Variants in NCOR1 observed in about 807,000 individuals in gnomAD.
NCOR1 encodes the protein nuclear receptor corepressor 1.
In NCOR1, 63 loss-of-function variants were observed where a neutral mutation model predicts 288.1. The ratio of observed to expected loss-of-function variants is 0.22; its 90% CI spans 0.18 to 0.27. The LOEUF is 0.27. NCOR1 is among the 10% of genes least tolerant of loss of function. The pLI, the probability that NCOR1 is intolerant of heterozygous loss-of-function variation, is 1.00. For synonymous variants in NCOR1, 1,007 were observed against 1,065.9 expected, an observed-to-expected ratio of 0.94 and a Z score of 1.08; for missense variants, 2,397 against 3,019.2, an observed-to-expected ratio of 0.79 and a Z score of 4.83.
At chr17:16,214,397 T>C (rs1004990238) in intron 1 of NCOR1, among the ~76,000 whole-genome samples, 2 of 152,150 alleles carry the variant, frequency 1.3e-5, no homozygotes, top group African/African-American at 4.8e-5. Flanking sequence ...CCTTGCACAG[T>C]GCCATGTTCA....
intron 23 of NCOR1, among the ~76,000 whole-genome samples, chr17:16,084,783 C>T (rs1385625905): frequency 1.3e-5 from 2 of 152,076 alleles, no homozygotes; most frequent in Non-Finnish European, 2.9e-5. Context: ...TAATCCTGAC[C>T]TCATACTATA....
intron 36 of NCOR1, 56 bp downstream of exon 36, chr17:16,062,049 T>C (rs992716853): frequency 2.5e-6 from 4 of 1,595,208 alleles, no homozygotes; most frequent in Non-Finnish European, 3.4e-6. Flanking sequence ...CAGTCACAAA[T>C]TTTAAAATGT....
chr17:16,175,827 T>A (rs1232342405), intron 3 of NCOR1, among the ~76,000 whole-genome samples: 1 of 124,296 alleles, frequency 8.0e-6, no homozygotes, highest in African/African-American at 3.0e-5. Context: ...AGAGACTTTG[T>A]CTCTTTTAAA....
chr17:16,043,955 A>C (rs2058195438), intron 42 of NCOR1, among the ~76,000 whole-genome samples: 2 of 152,154 alleles, frequency 1.3e-5, no homozygotes, highest in South Asian at 4.1e-4. Flanking sequence ...GGATCACCTG[A>C]GGTCAGGAGT....
At chr17:16,122,880 T>C (rs2073273640) in intron 15 of NCOR1, among the ~76,000 whole-genome samples, 1 of 152,126 alleles carries the variant, frequency 6.6e-6, no homozygotes, top group Non-Finnish European at 1.5e-5. Flanking sequence ...AAAGCAATTC[T>C]CCCACCTTGG....
At chr17:16,119,613 T>C (rs564359047) in intron 16 of NCOR1, 128 bp from the exon 17 acceptor site, 1 of 560,520 alleles carries the variant, frequency 1.8e-6, no homozygotes, top group Admixed American at 3.3e-5. Context: ...TGAAAGAAAC[T>C]GCAGAAATAG....
At chr17:16,145,362 C>T (rs1397714301) in intron 10 of NCOR1, among the ~76,000 whole-genome samples, 1 of 150,858 alleles carries the variant, frequency 6.6e-6, no homozygotes, top group Non-Finnish European at 1.5e-5. Context: ...GGACGCCCAT[C>T]GTCTGGGATG....
rs988739807 is a variant in NCOR1, at chr17:16,064,142, C to T, written c.5147G>A (p.Arg1716Gln). 56 of 1,614,032 alleles carry T rather than the reference C, an allele frequency of 3.5e-5. No homozygotes were observed. The highest frequency in any genetic ancestry group is 4.4e-5 in the Non-Finnish European group (52 of 1,180,034). ...CCGCTCCTTCTCCCGCTCCCGTTCC[C>T]GTTCCCTCTCAGCACTTGCAGCAGC... ...LAAAASAERE[R>Q]EREREKERER... is the part of the protein sequence containing the mutation. The change falls in exon 35 of 46, where the codon CGG becomes CAG. Residue 1716 changes from arginine (R) to glutamine (Q), a missense_variant. Physicochemically the swap from Arg to Gln is conservative, Grantham distance 43 (BLOSUM62 1). Coordinates refer to ENST00000268712, the MANE Select transcript of NCOR1 (RefSeq NM_006311.4).
chr17:16,183,909 T>C (rs2086062254), intron 3 of NCOR1, among the ~76,000 whole-genome samples: 1 of 152,008 alleles, frequency 6.6e-6, no homozygotes, highest in African/African-American at 2.4e-5. Flanking sequence ...TAGAAAAGAA[T>C]AGAAAGCCCA....
At chr17:16,138,926 G>C in intron 12 of NCOR1, 82 bp downstream of exon 12, 1 of 1,101,346 alleles carries the variant, frequency 9.1e-7, no homozygotes, top group South Asian at 2.0e-5. Context: ...TGTGAAAACA[G>C]TTCAATTTAC....
chr17:16,212,840 G>GC (rs1211247112), intron 1 of NCOR1, among the ~76,000 whole-genome samples: 1 of 151,924 alleles, frequency 6.6e-6, no homozygotes, highest in African/African-American at 2.4e-5. Flanking sequence ...GGGAGGCTGA[G>GC]ACAGGCAGAT....
intron 8 of NCOR1, among the ~76,000 whole-genome samples, chr17:16,150,301 T>C (rs1030947699): frequency 2.0e-5 from 3 of 151,968 alleles, no homozygotes; most frequent in African/African-American, 7.2e-5. Context: ...GCTGGCTATA[T>C]GAAAAAGTAG....
intron 40 of NCOR1, among the ~76,000 whole-genome samples, chr17:16,056,771 G>A (rs938337234): frequency 2.0e-5 from 3 of 152,092 alleles, no homozygotes; most frequent in Non-Finnish European, 4.4e-5. Context: ...CTTTATCAGA[G>A]AGCCCTGGCA....
chr17:16,091,750 T>C, intron 22 of NCOR1, 113 bp downstream of exon 22: 1 of 1,553,532 alleles, frequency 6.4e-7, no homozygotes, highest in Non-Finnish European at 8.7e-7. Flanking sequence ...TTAGGACAAA[T>C]ATAATAATCA....
At chr17:16,188,026 G>A (rs534299964) in intron 2 of NCOR1, among the ~76,000 whole-genome samples, 1 of 152,216 alleles carries the variant, frequency 6.6e-6, no homozygotes, top group South Asian at 2.1e-4. Flanking sequence ...ATGGGGTTTC[G>A]TTGCAGGTGA....
chr17:16,146,419 G>A lies in NCOR1; in HGVS notation c.1039C>T (p.Pro347Ser). Residue 347 changes from proline (P) to serine (S), a missense_variant, in exon 10 of 46, where the codon CCA (proline) becomes TCA (serine). By Grantham distance (74) the Pro-to-Ser change is moderately conservative. Around this residue, in one of 11 missense-constraint regions of NCOR1, gnomAD observed 51 missense variants for 127.6 expected, o/e 0.40. Transcript: ENST00000268712. ...KTREYYEKQF[P>S]EIRKQREQQE... is the part of the protein sequence containing the mutation. ...TGTTCTCTTTGTTTTCGAATTTCTG[G>A]AAACTGCTTTTCATAGTATTCCCTT... The A allele has an allele frequency of 6.2e-7, 1 of 1,611,124 alleles. No homozygotes were observed. Among genetic ancestry groups the A allele is most frequent in the Non-Finnish European group, 8.5e-7 (1 of 1,179,124 alleles).
At chr17:16,075,940 T>C (rs2062392742) in intron 26 of NCOR1, among the ~76,000 whole-genome samples, 1 of 152,232 alleles carries the variant, frequency 6.6e-6, no homozygotes, top group Non-Finnish European at 1.5e-5. Flanking sequence ...ATTAGGTGAA[T>C]CAACTTTGCT....
In NCOR1 at chr17:16,076,185, C is replaced by CT. The variant is rs572644982; in HGVS notation, c.3502-484dup. Among the ~76,000 whole-genome samples the CT allele has an allele frequency of 4.2e-3, 635 of 152,252 alleles. 7 individuals carry two copies. The highest frequency in any genetic ancestry group is 0.015 in the African/African-American group (612 of 41,556). On this transcript the variant is annotated intron_variant, in intron 26 of 45. Coordinates refer to ENST00000268712, the MANE Select transcript of NCOR1 (RefSeq NM_006311.4). ...ATATCATTTTAATGTGCATTTGTCA[C>CT]TTTTTTTGTTAATGACTTATTACTT...
At chr17:16,166,890 A>T (rs1261121815) in intron 4 of NCOR1, among the ~76,000 whole-genome samples, 1 of 152,192 alleles carries the variant, frequency 6.6e-6, no homozygotes, top group Non-Finnish European at 1.5e-5. Flanking sequence ...CTAAATGAAA[A>T]CTAAATGCAG....
Sources: allele counts gnomAD v4.1 joint callset (sites outside exome capture counted in the v4.1 genomes callset), GRCh38; gene constraint gnomAD v4.1.1; regional missense constraint gnomAD v4.1.1; transcripts MANE v1.5; gene names NCBI Gene and HGNC (gene_info 2026-07-23, HGNC 2026-07-21).